SESN1: variants seen among roughly 807,000 people sequenced by gnomAD.
The protein encoded by SESN1 is sestrin-1.
SESN1 carries 30 observed loss-of-function variants against 59.3 expected under a neutral mutation model. The observed-to-expected ratio is 0.51, with a 90% CI of 0.38 to 0.69. The LOEUF (loss-of-function observed/expected upper bound fraction) is 0.69, where lower values mean the gene tolerates loss of function less well. Among genes scored for constraint, SESN1 ranks in the 30% least tolerant of loss-of-function variants. SESN1 has a pLI of 0.00. For missense variants in SESN1, 566 were observed against 673.0 expected (o/e 0.84, Z 1.76); for synonymous variants, 197 against 219.9 (o/e 0.90, Z 0.92).
chr6:108,993,063 A>ATC (rs1779422283), intron 6 of SESN1, 164 bp from the exon 7 acceptor site: 2 of 559,994 alleles, frequency 3.6e-6, no homozygotes, highest in African/African-American at 3.8e-5. Flanking sequence ...GCTAGTAAAC[A>ATC]GAATGTAGTA....
intron 1 of SESN1, among the ~76,000 whole-genome samples, chr6:109,090,165 T>C (rs1781287781): frequency 6.6e-6 from 1 of 152,198 alleles, no homozygotes; most frequent in Admixed American, 6.5e-5. Context: ...ACAGCAACAT[T>C]GTGAGGCAGG....
At chr6:109,016,943 ACT>A (rs1371752470) in intron 1 of SESN1, among the ~76,000 whole-genome samples, 1 of 152,004 alleles carries the variant, frequency 6.6e-6, no homozygotes, top group Non-Finnish European at 1.5e-5. Context: ...AGAGGGTAAC[ACT>A]CTTAATTTGT....
intron 1 of SESN1, chr6:109,009,427 T>C (rs1278393227): frequency 1.4e-6 from 2 of 1,395,268 alleles, no homozygotes; most frequent in East Asian, 3.1e-5. Flanking sequence ...AAAGGGGCCG[T>C]GTACGCCTCG....
intron 5 of SESN1, among the ~76,000 whole-genome samples, chr6:108,996,492 TTTTG>T (rs1168114532): frequency 6.6e-6 from 1 of 152,184 alleles, no homozygotes; most frequent in African/African-American, 2.4e-5. Context: ...CACTAATTTA[TTTTG>T]TTTACCTATT....
At chr6:109,071,780 T>G (rs1331464123) in intron 1 of SESN1, among the ~76,000 whole-genome samples, 2 of 152,192 alleles carry the variant, frequency 1.3e-5, no homozygotes, top group Non-Finnish European at 1.5e-5. Flanking sequence ...GAGCTAACAT[T>G]TAGTCAACAA....
At position 109,001,390 on chromosome 6, in the gene SESN1, A is replaced by T. The variant is rs556618763; in HGVS notation, c.444T>A (p.Val148=). 5.0e-6 allele frequency: 8 copies of T among 1,613,920 alleles called. No individual in the cohort carries two copies. The African/African-American group carries it at 5.3e-5, about 11-fold the overall frequency. Residue 148 remains valine (V), a synonymous_variant, in exon 3 of 10, where the codon GTT becomes GTA. Coordinates refer to ENST00000436639, the MANE Select transcript of SESN1 (RefSeq NM_014454.3). ...AACTTTCTAAATATTGTGGGTGGAAAACCATCACTAACGTAATGTTATCCA... is the reference window on the plus strand; with the variant it reads ...AACTTTCTAAATATTGTGGGTGGAATACCATCACTAACGTAATGTTATCCA... The part of the protein sequence containing the change: ...GRLDNITLVM[V]FHPQYLESFL...
intron 1 of SESN1, among the ~76,000 whole-genome samples, chr6:109,061,041 GA>G (rs1294131683): frequency 2.0e-5 from 3 of 152,076 alleles, no homozygotes; most frequent in Non-Finnish European, 4.4e-5. Flanking sequence ...TTGCTACTCA[GA>G]AAGGTAACAA....
chr6:109,082,363 G>C (rs986579542), intron 1 of SESN1, among the ~76,000 whole-genome samples: 12 of 152,092 alleles, frequency 7.9e-5, no homozygotes, highest in African/African-American at 2.7e-4. Flanking sequence ...TGCTTACTGG[G>C]TTCCAGTAAG....
At chr6:109,051,468 AACCC>A (rs1780540649) in intron 1 of SESN1, among the ~76,000 whole-genome samples, 1 of 152,188 alleles carries the variant, frequency 6.6e-6, no homozygotes, top group Non-Finnish European at 1.5e-5. Context: ...GAGAAAATGT[AACCC>A]TTTAAGGAAT....
intron 1 of SESN1, among the ~76,000 whole-genome samples, chr6:109,089,256 G>A (rs6906547): frequency 0.047 from 7,227 of 152,238 alleles, 355 homozygotes; most frequent in African/African-American, 0.12. Context: ...ATTATGGAGT[G>A]CTACATTTGA....
intron 6 of SESN1, among the ~76,000 whole-genome samples, chr6:108,994,045 C>A (rs1779448451): frequency 6.7e-6 from 1 of 149,766 alleles, no homozygotes; most frequent in Non-Finnish European, 1.5e-5. Flanking sequence ...GAAGCTGAGG[C>A]AGGATGATCG....
intron 1 of SESN1, among the ~76,000 whole-genome samples, chr6:109,014,872 CAAACA>C: frequency 6.6e-6 from 1 of 152,260 alleles, no homozygotes; most frequent in South Asian, 2.1e-4. Flanking sequence ...GCTGGCTTCT[CAAACA>C]AATCACACTA....
intron 1 of SESN1, among the ~76,000 whole-genome samples, chr6:109,018,740 C>A (rs888445524): frequency 1.6e-4 from 25 of 152,140 alleles, no homozygotes; most frequent in African/African-American, 1.7e-4. Context: ...TGCAGCGTAT[C>A]TTGAGAATGC....
intron 1 of SESN1, chr6:109,008,808 G>T (rs1293832383): frequency 1.0e-6 from 1 of 985,316 alleles, no homozygotes; most frequent in Non-Finnish European, 1.2e-6. Flanking sequence ...TAAACGCTGT[G>T]CATAACGTCA....
chr6:109,054,724 T>G (rs1780600898), intron 1 of SESN1, among the ~76,000 whole-genome samples: 1 of 152,190 alleles, frequency 6.6e-6, no homozygotes, highest in South Asian at 2.1e-4. Context: ...TGTCTTTTGC[T>G]TTTTCTTATG....
chr6:109,063,338 T>G (rs1050850034), intron 1 of SESN1, among the ~76,000 whole-genome samples: 2 of 151,946 alleles, frequency 1.3e-5, no homozygotes, highest in Non-Finnish European at 2.9e-5. Context: ...AGCCTGCCCT[T>G]GGGCAGGGGG....
At position 108,990,810 on chromosome 6, in the gene SESN1, T is replaced by A; in HGVS notation, c.1259A>T (p.Tyr420Phe). ...TGGATAAAGGCGATTTACCAAAGAA[T>A]AACCATGATCTTCCCAGCAATAGTC... ...VQDYCWEDHGYSLVNRLYPDV... is the reference protein window; with the variant it reads ...VQDYCWEDHGFSLVNRLYPDV... The change falls in exon 8 of 10, where the codon TAT becomes TTT. Residue 420 changes from tyrosine (Y) to phenylalanine (F), a missense_variant. Tyr to Phe is a conservative substitution (Grantham distance 22). Transcript: ENST00000436639. 6.2e-7 allele frequency: 1 copy of A among 1,614,000 alleles called. No individual in the cohort carries two copies. The highest frequency in any genetic ancestry group is 8.5e-7 in the Non-Finnish European group (1 of 1,179,976).
At chr6:109,061,667 G>A (rs1780735801) in intron 1 of SESN1, among the ~76,000 whole-genome samples, 1 of 152,028 alleles carries the variant, frequency 6.6e-6, no homozygotes, top group African/African-American at 2.4e-5. Context: ...AGCCAGGCAT[G>A]GTAGCACACA....
intron 4 of SESN1, chr6:108,999,004 AAG>A: frequency 3.3e-6 from 1 of 299,866 alleles, no homozygotes; most frequent in South Asian, 6.0e-5. Flanking sequence ...CTTAAAATGT[AAG>A]AGAATGCATT....
Sources: allele counts gnomAD v4.1 joint callset (sites outside exome capture counted in the v4.1 genomes callset), GRCh38; gene constraint gnomAD v4.1.1; transcripts MANE v1.5; gene names NCBI Gene and HGNC (gene_info 2026-07-23, HGNC 2026-07-21).